The following MBIP variants were observed in gnomAD, a reference collection of about 807,000 sequenced individuals.
The protein encoded by MBIP is MAP3K12-binding inhibitory protein 1.
In MBIP, 32 loss-of-function variants were observed where a neutral mutation model predicts 45.7. That is an observed-to-expected ratio of 0.70 (90% confidence interval 0.53 to 0.94). The LOEUF is 0.94. Ranked by LOEUF, MBIP falls within the 40% of genes least tolerant of loss-of-function variation. The probability of loss-of-function intolerance (pLI) is 0.00; values close to 1 mark genes in which losing one functional copy is unlikely to be tolerated. For synonymous variants in MBIP, 145 were observed against 141.0 expected, an observed-to-expected ratio of 1.03 and a Z score of -0.20; for missense variants, 381 against 405.5, an observed-to-expected ratio of 0.94 and a Z score of 0.52.
At chr14:36,302,491 TAAAAAAAAAAAA>T (rs377221159) in intron 7 of MBIP, among the ~76,000 whole-genome samples, 5 of 100,546 alleles carry the variant, frequency 5.0e-5, no homozygotes, top group African/African-American at 1.7e-4. Context: ...GACACCATCT[TAAAAAAAAAAAA>T]AAAAAAAAAA....
intron 2 of MBIP, among the ~76,000 whole-genome samples, chr14:36,316,490 C>A (rs570581885): frequency 2.2e-4 from 33 of 152,258 alleles, no homozygotes; most frequent in African/African-American, 7.2e-4. Flanking sequence ...CACTCATACC[C>A]ACATTGGTCT....
chr14:36,319,512 T>A, intron 1 of MBIP: 1 of 386,308 alleles, frequency 2.6e-6, no homozygotes, highest in South Asian at 2.0e-5. Context: ...AAAAGACTGA[T>A]TCTCCATCTA....
At chr14:36,312,671 T>C (rs1880278288) in intron 4 of MBIP, among the ~76,000 whole-genome samples, 1 of 152,136 alleles carries the variant, frequency 6.6e-6, no homozygotes, top group African/African-American at 2.4e-5. Flanking sequence ...TTTTCCAAGC[T>C]GAAAAGTAGT....
At chr14:36,307,639 A>G (rs1481410289) in intron 7 of MBIP, among the ~76,000 whole-genome samples, 2 of 152,206 alleles carry the variant, frequency 1.3e-5, no homozygotes, top group African/African-American at 2.4e-5. Context: ...AAGGTAAAGA[A>G]TAAGAGTGGC....
In MBIP at chr14:36,298,739, T is replaced by C. The variant is rs117523170; in HGVS notation, c.*344A>G. 1,482 of 175,832 alleles carry C rather than the reference T, an allele frequency of 8.4e-3. 9 individuals are homozygous for C. Among genetic ancestry groups the C allele is most frequent in the Non-Finnish European group, 0.013 (1,055 of 82,898 alleles). 10.9% of individuals were successfully genotyped at this position (175,832 alleles called of 1,614,324 possible). A position where few individuals can be genotyped will look rare whatever the true frequency, so the allele number is the denominator to read the frequency against. Reference sequence around the variant, plus strand: ...CTGGTTAACATCAATGTTACAAATATAAAGTCCTTTTAAAGTATCAATATC... The same window carrying C: ...CTGGTTAACATCAATGTTACAAATACAAAGTCCTTTTAAAGTATCAATATC... On this transcript the variant is annotated 3_prime_UTR_variant, in exon 9 of 9. Coordinates refer to ENST00000416007, the MANE Select transcript of MBIP (RefSeq NM_016586.3).
chr14:36,299,512 G>A (rs558697692), intron 8 of MBIP, among the ~76,000 whole-genome samples: 55 of 151,392 alleles, frequency 3.6e-4, no homozygotes, highest in South Asian at 6.3e-4. Flanking sequence ...TTTGAAGATG[G>A]GAGGAGGGAG....
Position 36,317,896 on chromosome 14 carries a change from T to C in MBIP, c.130-1084A>G, listed in dbSNP as rs114016074. 7.5e-3 allele frequency among the ~76,000 whole-genome samples: 1,145 copies of C among 152,076 alleles called. 23 individuals carry two copies. Among genetic ancestry groups the C allele is most frequent in the African/African-American group, 0.027 (1,107 of 41,538 alleles). On this transcript the variant is annotated intron_variant, in intron 1 of 8. Transcript: ENST00000416007. ...TCACTGTACAAAGATCAAAAAGATA[T>C]AAGGTTACCAATAAAAAGATAATAT...
In MBIP at chr14:36,316,643, A is replaced by G. The variant is rs1171570678; in HGVS notation, c.249+50T>C. On this transcript the variant is annotated intron_variant, in intron 2 of 8. Transcript: ENST00000416007. ...AAATACTCCAACTAACTTAACCACA[A>G]TCAATTTCTATTTTCAATATCGGGT... The G allele has an allele frequency of 6.5e-6, 10 of 1,538,794 alleles. No individual in the cohort carries two copies. The African/African-American group carries it at 8.3e-5, about 13-fold the overall frequency.
chr14:36,299,858 A>G (rs1301024304), intron 8 of MBIP, among the ~76,000 whole-genome samples: 6 of 152,122 alleles, frequency 3.9e-5, no homozygotes, highest in Non-Finnish European at 8.8e-5. Flanking sequence ...CCTCACTTAT[A>G]TATTAATATT....
At chr14:36,312,814 T>C (rs371620285) in intron 4 of MBIP, among the ~76,000 whole-genome samples, 3 of 152,134 alleles carry the variant, frequency 2.0e-5, no homozygotes, top group South Asian at 2.1e-4. Context: ...TATATACTTA[T>C]GTTTGAAATA....
At chr14:36,312,911 T>C (rs904713866) in intron 4 of MBIP, among the ~76,000 whole-genome samples, 2 of 150,946 alleles carry the variant, frequency 1.3e-5, no homozygotes, top group Admixed American at 1.3e-4. Flanking sequence ...TGAGATTCTT[T>C]AAAAAAAATT....
intron 4 of MBIP, among the ~76,000 whole-genome samples, chr14:36,312,926 T>C (rs554310621): frequency 4.0e-5 from 6 of 150,450 alleles, no homozygotes; most frequent in African/African-American, 1.0e-4. Context: ...AAAATTATTT[T>C]TTCCCCCCTA....
In MBIP at chr14:36,312,140, A is replaced by G. The variant is rs987650700; in HGVS notation, c.572-116T>C. On this transcript the variant is annotated intron_variant, in intron 4 of 8. Transcript: ENST00000416007. Reference sequence around the variant, plus strand: ...ATTTTACTCATAATAATTTTAATAAATAATAGTAACAATAAATTACTATCA... The same window carrying G: ...ATTTTACTCATAATAATTTTAATAAGTAATAGTAACAATAAATTACTATCA... 1.1e-5 allele frequency: 6 copies of G among 522,178 alleles called. No individual in the cohort carries two copies. In the Admixed American group the frequency reaches 1.5e-4, roughly 13 times the overall value. 32.3% of individuals were successfully genotyped at this position (522,178 alleles called of 1,614,324 possible). A position where few individuals can be genotyped will look rare whatever the true frequency, so the allele number is the denominator to read the frequency against.
intron 7 of MBIP, among the ~76,000 whole-genome samples, chr14:36,302,850 C>T (rs535834947): frequency 7.0e-4 from 106 of 152,264 alleles, no homozygotes; most frequent in African/African-American, 2.5e-3. Context: ...TTCAAATTTA[C>T]AATGCTGTGA....
intron 7 of MBIP, among the ~76,000 whole-genome samples, chr14:36,301,667 T>C (rs550254955): frequency 6.6e-6 from 1 of 152,364 alleles, no homozygotes; most frequent in East Asian, 1.9e-4. Flanking sequence ...ACCATGGACT[T>C]CCTATTTTAT....
chr14:36,306,743 G>A (rs1879904288), intron 7 of MBIP, among the ~76,000 whole-genome samples: 1 of 152,140 alleles, frequency 6.6e-6, no homozygotes, highest in East Asian at 1.9e-4. Flanking sequence ...ACTTTCCTAG[G>A]TTATTGCCTT....
At chr14:36,318,546 T>C (rs1880707528) in intron 1 of MBIP, among the ~76,000 whole-genome samples, 1 of 151,972 alleles carries the variant, frequency 6.6e-6, no homozygotes, top group Non-Finnish European at 1.5e-5. Flanking sequence ...GCTATTAATA[T>C]AGACTATTTA....
rs780669960 is a variant in MBIP, at chr14:36,320,442, C to T, written c.129+18G>A. The T allele has an allele frequency of 6.2e-7, 1 of 1,613,962 alleles. No homozygotes were observed. Among genetic ancestry groups the T allele is most frequent in the Non-Finnish European group, 8.5e-7 (1 of 1,179,988 alleles). On this transcript the variant is annotated intron_variant, in intron 1 of 8. Transcript: ENST00000416007. Reference sequence around the variant, plus strand: ...CCGGATGGTTTCCATATTCCCAGTCCCTCAGGCCACCTCTCACCTGTCCAA... The same window carrying T: ...CCGGATGGTTTCCATATTCCCAGTCTCTCAGGCCACCTCTCACCTGTCCAA...
At chr14:36,319,637 CA>C (rs752997458) in intron 1 of MBIP, 1 of 408,724 alleles carries the variant, frequency 2.4e-6, no homozygotes, top group Non-Finnish European at 4.9e-6. Flanking sequence ...GTACCAGCCC[CA>C]AAACAAACTT....
Sources: allele counts gnomAD v4.1 joint callset (sites outside exome capture counted in the v4.1 genomes callset), GRCh38; gene constraint gnomAD v4.1.1; transcripts MANE v1.5; gene names NCBI Gene and HGNC (gene_info 2026-07-23, HGNC 2026-07-21).